GALNTL5: variants seen among roughly 807,000 people sequenced by gnomAD.
GALNTL5 encodes the protein inactive polypeptide N-acetylgalactosaminyltransferase-like protein 5.
Under a neutral mutation model 51.0 loss-of-function variants are expected in GALNTL5, and 44 were observed. The observed-to-expected ratio is 0.86, with a 90% CI of 0.68 to 1.11. GALNTL5 has a LOEUF of 1.11. Among genes scored for constraint, GALNTL5 ranks in the 50% least tolerant of loss-of-function variants. GALNTL5 has a pLI of 0.00. For missense variants in GALNTL5, 528 were observed against 531.8 expected (o/e 0.99, Z 0.07); for synonymous variants, 192 against 182.8 (o/e 1.05, Z -0.41).
intron 7 of GALNTL5, among the ~76,000 whole-genome samples, chr7:152,008,545 G>A (rs2081682797): frequency 6.6e-6 from 1 of 150,734 alleles, no homozygotes; most frequent in Non-Finnish European, 1.5e-5. Context: ...TTTCTGTTTT[G>A]GATTTTATTT....
At chr7:151,982,735 AAC>A in intron 3 of GALNTL5, 1 of 615,824 alleles carries the variant, frequency 1.6e-6, no homozygotes, top group South Asian at 1.8e-5. Flanking sequence ...TGAGATTATC[AAC>A]ACAGTCTCAG....
chr7:151,980,552 A>G (rs1033888535), intron 3 of GALNTL5, among the ~76,000 whole-genome samples: 3 of 151,828 alleles, frequency 2.0e-5, no homozygotes, highest in African/African-American at 7.3e-5. Context: ...CTCAGTGGGC[A>G]TGACTTCTCT....
chr7:151,974,524 T>C (rs1301776630), intron 3 of GALNTL5, among the ~76,000 whole-genome samples: 1 of 152,212 alleles, frequency 6.6e-6, no homozygotes, highest in Non-Finnish European at 1.5e-5. Flanking sequence ...ACGCAAACAT[T>C]TGAAGCCACA....
chr7:151,967,255 T>C lies in GALNTL5; in HGVS notation c.9T>C (p.Asn3=), dbSNP rs1464929548. The C allele has an allele frequency of 1.2e-6, 2 of 1,609,188 alleles. No homozygotes were observed. Among genetic ancestry groups the C allele is most frequent in the Non-Finnish European group, 1.7e-6 (2 of 1,178,056 alleles). ...AAAATGCTAGATTTACAATGAGAAA[T>C]GCCATAATTCAAGGTTTATTCTATG... The part of the protein sequence containing the change: MR[N]AIIQGLFYGS... Residue 3 remains asparagine (N), a synonymous_variant, in exon 2 of 9, where the codon AAT becomes AAC. Coordinates refer to ENST00000392800, the MANE Select transcript of GALNTL5 (RefSeq NM_145292.4).
intron 1 of GALNTL5, chr7:151,960,740 G>T (rs6464191): frequency 0.22 from 33,980 of 152,130 alleles, 4,296 homozygotes; most frequent in Admixed American, 0.32. Flanking sequence ...CTTGGGCAAA[G>T]CGGCTTGCCT....
At chr7:151,991,306 T>C (rs920228194) in intron 5 of GALNTL5, among the ~76,000 whole-genome samples, 1 of 152,178 alleles carries the variant, frequency 6.6e-6, no homozygotes, top group Admixed American at 6.5e-5. Flanking sequence ...TTGGTCAGGC[T>C]GGTCTCAAGT....
At chr7:151,956,912 G>GA (rs1487911530) in intron 1 of GALNTL5, among the ~76,000 whole-genome samples, 6 of 151,698 alleles carry the variant, frequency 4.0e-5, no homozygotes, top group South Asian at 2.1e-4. Context: ...TTACTTATTT[G>GA]AAAAAAATAG....
chr7:151,987,345 G>A (rs1313669700), intron 5 of GALNTL5, 64 bp downstream of exon 5: 4 of 1,440,290 alleles, frequency 2.8e-6, no homozygotes, highest in Non-Finnish European at 3.7e-6. Flanking sequence ...TTCTGAGCGG[G>A]ACTCCTCTGC....
rs144550042 is a variant in GALNTL5 at position 151,981,171 on chromosome 7, C to T, written c.369-1815C>T. On this transcript the variant is annotated intron_variant, in intron 3 of 8. Coordinates refer to ENST00000392800, the MANE Select transcript of GALNTL5 (RefSeq NM_145292.4). ...TATTTGATCTTGGAAAAGGTAAAGT[C>T]CCACCAGTTTCTCCTTGGGTCCTTG... 8.4e-3 allele frequency among the ~76,000 whole-genome samples: 1,274 copies of T among 152,238 alleles called. 14 individuals carry two copies. The highest frequency in any genetic ancestry group is 0.029 in the African/African-American group (1,199 of 41,542).
At chr7:151,957,917 T>C (rs779559209) in intron 1 of GALNTL5, 9 of 151,526 alleles carry the variant, frequency 5.9e-5, no homozygotes, top group Non-Finnish European at 8.8e-5. Context: ...TTTGTGGGAG[T>C]ATAGGGGGTG....
chr7:151,987,467 A>G (rs1485426912), intron 5 of GALNTL5, among the ~76,000 whole-genome samples, 186 bp downstream of exon 5: 2 of 152,102 alleles, frequency 1.3e-5, no homozygotes, highest in African/African-American at 4.8e-5. Context: ...TTGAAATGTC[A>G]ATTTGCTATT....
intron 3 of GALNTL5, among the ~76,000 whole-genome samples, chr7:151,979,106 C>CTT (rs397888897): frequency 0.034 from 2,422 of 71,066 alleles, 174 homozygotes; most frequent in African/African-American, 0.09. Context: ...TACTTTTACT[C>CTT]TTTTTTTTTT....
intron 6 of GALNTL5, 56 bp downstream of exon 6, chr7:152,003,019 G>T: frequency 6.8e-7 from 1 of 1,466,876 alleles, no homozygotes; most frequent in Non-Finnish European, 9.4e-7. Context: ...AGACCCAGGG[G>T]GAAAAAGCCT....
At chr7:151,988,714 ACTTTTTT>A (rs2151950064) in intron 5 of GALNTL5, among the ~76,000 whole-genome samples, 1 of 49,744 alleles carries the variant, frequency 2.0e-5, no homozygotes, top group African/African-American at 6.1e-5. Context: ...TATTTATTTT[ACTTTTTT>A]TTTTTTTTGA....
intron 2 of GALNTL5, among the ~76,000 whole-genome samples, chr7:151,970,038 C>T (rs1013090787): frequency 6.7e-6 from 1 of 149,540 alleles, no homozygotes; most frequent in African/African-American, 2.5e-5. Flanking sequence ...TGTTGATCTC[C>T]TGACCTCGTG....
intron 5 of GALNTL5, among the ~76,000 whole-genome samples, chr7:151,990,530 G>C (rs2081414110): frequency 9.3e-6 from 1 of 108,100 alleles, no homozygotes; most frequent in Non-Finnish European, 1.7e-5. Context: ...GCAGTGAGCC[G>C]AGATTGCGCC....
intron 5 of GALNTL5, among the ~76,000 whole-genome samples, chr7:152,000,269 A>G (rs2081554981): frequency 6.6e-6 from 1 of 152,236 alleles, no homozygotes; most frequent in South Asian, 2.1e-4. Flanking sequence ...ACTATCTAGA[A>G]GAATGGACAG....
intron 7 of GALNTL5, among the ~76,000 whole-genome samples, chr7:152,012,705 G>A (rs558496379): frequency 8.9e-4 from 136 of 152,300 alleles, no homozygotes; most frequent in African/African-American, 2.9e-3. Context: ...GGTGATTCAC[G>A]CCTCTAATCC....
At chr7:152,013,306 T>C (rs1271618576) in intron 7 of GALNTL5, among the ~76,000 whole-genome samples, 3 of 151,460 alleles carry the variant, frequency 2.0e-5, no homozygotes, top group Non-Finnish European at 4.4e-5. Context: ...ATTTTACCCA[T>C]GTAACACGCC....
Sources: allele counts gnomAD v4.1 joint callset (sites outside exome capture counted in the v4.1 genomes callset), GRCh38; gene constraint gnomAD v4.1.1; transcripts MANE v1.5; gene names NCBI Gene and HGNC (gene_info 2026-07-23, HGNC 2026-07-21).